Variants in VAT1L observed in about 807,000 individuals in gnomAD.
The protein encoded by VAT1L is vesicle amine transport 1 like, also known as putative NADPH-dependent quinone oxidoreductase VAT1L.
A neutral mutation model predicts 44.1 loss-of-function variants in VAT1L; 34 were observed. The observed-to-expected ratio is 0.77, with a 90% CI of 0.59 to 1.03. The LOEUF is 1.03. VAT1L is among the 50% of genes least tolerant of loss of function. The pLI, the probability that VAT1L is intolerant of heterozygous loss-of-function variation, is 0.00. For synonymous variants in VAT1L, 253 were observed against 202.2 expected (o/e 1.25, Z -2.13); for missense variants, 615 against 538.8 (o/e 1.14, Z -1.40).
intron 6 of VAT1L, among the ~76,000 whole-genome samples, chr16:77,883,073 A>T (rs2017171498): frequency 6.6e-6 from 1 of 152,188 alleles, no homozygotes; most frequent in South Asian, 2.1e-4. Context: ...TCCTAGTGAC[A>T]CGAGCTTCCC....
intron 7 of VAT1L, among the ~76,000 whole-genome samples, chr16:77,936,824 C>A (rs554079352): frequency 7.2e-5 from 11 of 152,222 alleles, no homozygotes; most frequent in African/African-American, 2.6e-4. Flanking sequence ...ATCCCACTTG[C>A]GAGTGGTCAG....
intron 7 of VAT1L, among the ~76,000 whole-genome samples, chr16:77,967,324 T>A (rs2018233785): frequency 6.6e-6 from 1 of 152,222 alleles, no homozygotes; most frequent in South Asian, 2.1e-4. Flanking sequence ...ATCATCAGGT[T>A]TCTCCTCTGT....
At chr16:77,843,526 G>A (rs1237904800) in intron 3 of VAT1L, among the ~76,000 whole-genome samples, 1 of 152,230 alleles carries the variant, frequency 6.6e-6, no homozygotes, top group East Asian at 1.9e-4. Context: ...AATTACACCA[G>A]TGAGGCTGAA....
intron 2 of VAT1L, among the ~76,000 whole-genome samples, chr16:77,822,361 C>T (rs560652681): frequency 3.3e-5 from 5 of 152,002 alleles, no homozygotes; most frequent in South Asian, 2.1e-4. Flanking sequence ...CTTGAACTCC[C>T]GAGACCTCAG....
chr16:77,862,946 A>G (rs2016932207), intron 4 of VAT1L, 56 bp downstream of exon 4: 2 of 1,580,648 alleles, frequency 1.3e-6, no homozygotes, highest in African/African-American at 2.7e-5. Context: ...GCTCTCAAAG[A>G]GCAGTAGCAC....
chr16:77,946,276 G>GTTTTTTTTTTTTTTTTTTTTTTTT (rs1597114758), intron 7 of VAT1L, among the ~76,000 whole-genome samples: 2 of 33,860 alleles, frequency 5.9e-5, no homozygotes, highest in Non-Finnish European at 5.7e-5. Context: ...TAGGTTACTT[G>GTTTTTTTTTTTTTTTTTTTTTTTT]TTCTTTTTTT....
intron 7 of VAT1L, among the ~76,000 whole-genome samples, chr16:77,912,707 A>T (rs895884640): frequency 2.0e-5 from 3 of 152,140 alleles, no homozygotes; most frequent in Non-Finnish European, 4.4e-5. Context: ...CCTGATAGCT[A>T]TTGCCTTAGT....
At chr16:77,829,165 T>G (rs945458457) in intron 3 of VAT1L, among the ~76,000 whole-genome samples, 1 of 152,218 alleles carries the variant, frequency 6.6e-6, no homozygotes, top group Non-Finnish European at 1.5e-5. Context: ...GCCCAGATTC[T>G]TCAGTCCTTC....
chr16:77,794,999 C>T (rs1219661929), intron 1 of VAT1L, among the ~76,000 whole-genome samples: 1 of 152,140 alleles, frequency 6.6e-6, no homozygotes, highest in Non-Finnish European at 1.5e-5. Context: ...GGAAAGGAAA[C>T]CTAGAATCAG....
chr16:77,880,556 T>G (rs1363352780), intron 6 of VAT1L, among the ~76,000 whole-genome samples: 1 of 149,770 alleles, frequency 6.7e-6, no homozygotes, highest in Non-Finnish European at 1.5e-5. Context: ...CACCAGCCCA[T>G]GTTGCTTTTT....
chr16:77,823,088 G>C (rs1026017196), intron 2 of VAT1L, among the ~76,000 whole-genome samples: 4 of 151,954 alleles, frequency 2.6e-5, no homozygotes, highest in Non-Finnish European at 1.5e-5. Context: ...TCTGGATCCT[G>C]TTCCAGACAC....
intron 1 of VAT1L, among the ~76,000 whole-genome samples, chr16:77,801,899 T>C (rs1009356047): frequency 1.3e-5 from 2 of 152,156 alleles, no homozygotes; most frequent in Admixed American, 6.5e-5. Context: ...AAATTGTTCC[T>C]ACTGGGGACC....
chr16:77,820,520 A>G (rs2016434370), intron 2 of VAT1L, among the ~76,000 whole-genome samples: 1 of 152,162 alleles, frequency 6.6e-6, no homozygotes, highest in Admixed American at 6.5e-5. Flanking sequence ...AGAATAAGAG[A>G]AGGACCCTCA....
intron 7 of VAT1L, among the ~76,000 whole-genome samples, chr16:77,937,090 T>C (rs535256889): frequency 6.6e-6 from 1 of 152,108 alleles, no homozygotes; most frequent in South Asian, 2.1e-4. Context: ...ACCATGTTGG[T>C]CAGGATGGTC....
intron 7 of VAT1L, among the ~76,000 whole-genome samples, chr16:77,919,602 G>A (rs2017589364): frequency 6.6e-6 from 1 of 152,164 alleles, no homozygotes; most frequent in Admixed American, 6.5e-5. Flanking sequence ...TCATGCAGAT[G>A]AGTGAGTCAA....
intron 1 of VAT1L, among the ~76,000 whole-genome samples, chr16:77,792,856 T>A (rs938217824): frequency 1.3e-5 from 2 of 152,200 alleles, no homozygotes; most frequent in Non-Finnish European, 2.9e-5. Flanking sequence ...TTCATAGTAT[T>A]GTAATGAAGC....
chr16:77,975,130 C>T (rs953532996), intron 8 of VAT1L, among the ~76,000 whole-genome samples: 1 of 147,476 alleles, frequency 6.8e-6, no homozygotes, highest in Admixed American at 6.8e-5. Flanking sequence ...GCTGTCCGCT[C>T]AGCAGGTGCT....
chr16:77,878,884 T>G (rs376833550), intron 5 of VAT1L, among the ~76,000 whole-genome samples: 1 of 152,150 alleles, frequency 6.6e-6, no homozygotes, highest in Non-Finnish European at 1.5e-5. Context: ...ACTCATCATT[T>G]TATTCAAACG....
chr16:77,928,185 G>C (rs1275786835), intron 7 of VAT1L, among the ~76,000 whole-genome samples: 1 of 152,126 alleles, frequency 6.6e-6, no homozygotes, highest in African/African-American at 2.4e-5. Flanking sequence ...ATGAACCAGA[G>C]CAAGACCTGG....
Sources: gnomAD v4.1 joint callset for allele counts (sites outside exome capture counted in the v4.1 genomes callset) on GRCh38, gnomAD v4.1.1 for gene constraint, MANE v1.5 for transcripts, NCBI Gene and HGNC (gene_info 2026-07-23, HGNC 2026-07-21) for gene names.